Variants in FHIT observed in about 807,000 individuals in gnomAD.
The protein encoded by FHIT is fragile histidine triad diadenosine triphosphatase.
In FHIT, 19 loss-of-function variants were observed where a neutral mutation model predicts 17.9. The observed-to-expected ratio is 1.06, with a 90% CI of 0.74 to 1.56. The LOEUF (loss-of-function observed/expected upper bound fraction) is 1.56, where lower values mean the gene tolerates loss of function less well. Among genes scored for constraint, FHIT ranks in the 40% most tolerant of loss-of-function variants. The pLI is 0.00. For synonymous variants in FHIT, 81 were observed against 69.7 expected, an observed-to-expected ratio of 1.16 and a Z score of -0.81; for missense variants, 248 against 189.2, an observed-to-expected ratio of 1.31 and a Z score of -1.82.
intron 5 of FHIT, among the ~76,000 whole-genome samples, chr3:60,341,478 G>T (rs1576503447): frequency 6.6e-6 from 1 of 152,136 alleles, no homozygotes; most frequent in East Asian, 1.9e-4. Flanking sequence ...AGAAAAATGT[G>T]TTTCTATCAC....
intron 3 of FHIT, among the ~76,000 whole-genome samples, chr3:60,856,172 C>T (rs1232364789): frequency 2.0e-5 from 3 of 151,930 alleles, no homozygotes; most frequent in Admixed American, 6.6e-5. Context: ...GTAATGCATT[C>T]GAGGCAGATA....
intron 2 of FHIT, among the ~76,000 whole-genome samples, chr3:61,137,822 C>T (rs1490572117): frequency 6.6e-6 from 1 of 152,216 alleles, no homozygotes; most frequent in Non-Finnish European, 1.5e-5. Flanking sequence ...CTCTCTTAGT[C>T]AATCAGTCTT....
At chr3:60,967,908 T>C (rs62268662) in intron 3 of FHIT, among the ~76,000 whole-genome samples, 1 of 152,212 alleles carries the variant, frequency 6.6e-6, no homozygotes, top group Admixed American at 6.5e-5. Flanking sequence ...AAATTAAATA[T>C]GCTAATTCGC....
At chr3:61,213,444 A>C (rs1296449128) in intron 1 of FHIT, among the ~76,000 whole-genome samples, 1 of 152,208 alleles carries the variant, frequency 6.6e-6, no homozygotes, top group Non-Finnish European at 1.5e-5. Context: ...TCAATTCAAC[A>C]AGTAGAGCTA....
intron 3 of FHIT, among the ~76,000 whole-genome samples, chr3:60,993,590 C>T (rs958777765): frequency 2.6e-5 from 4 of 152,198 alleles, no homozygotes; most frequent in African/African-American, 7.2e-5. Context: ...GGAGATAAAA[C>T]ATATTCCTAT....
At chr3:59,894,956 G>A (rs904138237) in intron 8 of FHIT, among the ~76,000 whole-genome samples, 1 of 152,210 alleles carries the variant, frequency 6.6e-6, no homozygotes, top group Admixed American at 6.5e-5. Context: ...ACAGACTTCA[G>A]AACTTGGCTA....
intron 3 of FHIT, among the ~76,000 whole-genome samples, chr3:60,870,462 G>A (rs1047175100): frequency 2.6e-5 from 4 of 152,082 alleles, no homozygotes; most frequent in African/African-American, 7.2e-5. Context: ...GTAGGGACAC[G>A]GCACCCCTAC....
chr3:61,166,302 C>T lies in FHIT; in HGVS notation c.-164+34315G>A, dbSNP rs141149504. 2.6e-3 allele frequency among the ~76,000 whole-genome samples: 393 copies of T among 152,308 alleles called. 3 individuals are homozygous for T. The highest frequency in any genetic ancestry group is 9.1e-3 in the African/African-American group (377 of 41,560). ...TCACATTGCCAGTCCTCACAGTCAT[C>T]TGAAGAGCCAGACTTGAATCCAGGT... is the stretch of plus-strand genomic sequence containing the variant. On this transcript the variant is annotated intron_variant, in intron 2 of 9. Coordinates refer to ENST00000492590, the MANE Select transcript of FHIT (RefSeq NM_002012.4).
Position 60,376,996 on chromosome 3 carries a change from A to C in FHIT, c.103+159864T>G, listed in dbSNP as rs529914917. The stretch of plus-strand genomic sequence containing the variant: ...TCCATCCATTTATCTCTCTCTCCAT[A>C]TGTAATGTTTATCCTTTCTTACTTT... On this transcript the variant is annotated intron_variant, in intron 5 of 9. Coordinates refer to ENST00000492590, the MANE Select transcript of FHIT (RefSeq NM_002012.4). 2.6e-5 allele frequency among the ~76,000 whole-genome samples: 4 copies of C among 152,228 alleles called. No homozygotes were observed. In the South Asian group the frequency reaches 8.3e-4, roughly 32 times the overall value.
At chr3:60,569,755 A>ATATATATATATATT in intron 4 of FHIT, among the ~76,000 whole-genome samples, 8,180 of 77,170 alleles carry the variant, frequency 0.11, 915 homozygotes, top group East Asian at 0.35. Flanking sequence ...ATATATATAT[A>ATATATATATATATT]TTTTTTTTTT....
chr3:60,279,372 TTATATC>T (rs1169596375), intron 5 of FHIT, among the ~76,000 whole-genome samples: 4 of 152,132 alleles, frequency 2.6e-5, no homozygotes, highest in African/African-American at 9.7e-5. Flanking sequence ...TCTATTCAGG[TTATATC>T]TATATCTGTA....
At chr3:61,135,457 G>A (rs1212727108) in intron 2 of FHIT, among the ~76,000 whole-genome samples, 1 of 152,104 alleles carries the variant, frequency 6.6e-6, no homozygotes, top group East Asian at 1.9e-4. Context: ...TAGTATTGTT[G>A]TTCCCATTTT....
chr3:61,033,216 A>C (rs540191605), intron 3 of FHIT, among the ~76,000 whole-genome samples: 1 of 152,242 alleles, frequency 6.6e-6, no homozygotes, highest in South Asian at 2.1e-4. Flanking sequence ...ATTAACCATC[A>C]CTTGTGTCCT....
At chr3:60,607,130 T>C (rs2038633587) in intron 4 of FHIT, among the ~76,000 whole-genome samples, 1 of 152,144 alleles carries the variant, frequency 6.6e-6, no homozygotes, top group African/African-American at 2.4e-5. Flanking sequence ...CCCTCTTCCA[T>C]ATGGCAGTCA....
At chr3:60,249,607 G>A (rs1316328942) in intron 5 of FHIT, among the ~76,000 whole-genome samples, 1 of 150,920 alleles carries the variant, frequency 6.6e-6, no homozygotes, top group Admixed American at 6.6e-5. Flanking sequence ...AAATTAGAAA[G>A]GCCCAGTGCC....
chr3:60,175,594 G>C (rs1701634169), intron 5 of FHIT, among the ~76,000 whole-genome samples: 1 of 152,108 alleles, frequency 6.6e-6, no homozygotes. Flanking sequence ...AAGTTACAAT[G>C]CATACTTCAG....
At chr3:60,117,968 T>C (rs1445953167) in intron 5 of FHIT, among the ~76,000 whole-genome samples, 1 of 152,196 alleles carries the variant, frequency 6.6e-6, no homozygotes, top group Non-Finnish European at 1.5e-5. Context: ...CTGTGGAGTT[T>C]GTTAAAAGAT....
chr3:59,797,806 TATG>T (rs1392046485), intron 8 of FHIT, among the ~76,000 whole-genome samples: 1 of 152,240 alleles, frequency 6.6e-6, no homozygotes, highest in Non-Finnish European at 1.5e-5. Flanking sequence ...GTGAAATTAA[TATG>T]ATAGCATTTC....
chr3:59,869,296 A>G, intron 8 of FHIT, among the ~76,000 whole-genome samples: 1 of 152,124 alleles, frequency 6.6e-6, no homozygotes, highest in Non-Finnish European at 1.5e-5. Flanking sequence ...AGGACACATA[A>G]GGGTCTCAAA....
Sources: gnomAD v4.1 joint callset for allele counts (sites outside exome capture counted in the v4.1 genomes callset) on GRCh38, gnomAD v4.1.1 for gene constraint, MANE v1.5 for transcripts, NCBI Gene and HGNC (gene_info 2026-07-23, HGNC 2026-07-21) for gene names.